GOLM2: variants seen among roughly 807,000 people sequenced by gnomAD.
The protein encoded by GOLM2 is protein GOLM2.
GOLM2 carries 26 observed loss-of-function variants against 55.9 expected under a neutral mutation model. The observed-to-expected ratio is 0.47, with a 90% confidence interval of 0.34 to 0.65. The LOEUF (loss-of-function observed/expected upper bound fraction) is 0.65. Among genes scored for constraint, GOLM2 ranks in the 30% least tolerant of loss-of-function variants. The probability of loss-of-function intolerance (pLI) is 0.01; values close to 1 mark genes in which losing one functional copy is unlikely to be tolerated. For synonymous variants in GOLM2, 165 were observed against 194.6 expected (o/e 0.85, Z 1.27); for missense variants, 486 against 531.8 (o/e 0.91, Z 0.85).
Position 44,289,230 on chromosome 15 carries a change from T to G in GOLM2, c.201T>G (p.Asn67Lys), listed in dbSNP as rs745978782. Residue 67 changes from asparagine to lysine, a missense_variant, in exon 1 of 10, where the codon AAT (asparagine) becomes AAG (lysine). Coordinates refer to ENST00000299957, the MANE Select transcript of GOLM2 (RefSeq NM_138423.4). This position sits in a 1 kb window ranked among gnomAD's most constrained non-coding sequence, Gnocchi z 4.8. ...CCCGCGGGCGGCTGGAAAAGCGCAA[T>G]TCGGACCTCTTGCTGTTGGTGGACA... is the stretch of plus-strand genomic sequence containing the variant. ...EVARGRLEKR[N>K]SDLLLLVDTH... 6.1e-5 allele frequency: 99 copies of G among 1,613,980 alleles called. No homozygotes were observed. Among genetic ancestry groups the G allele is most frequent in the Non-Finnish European group, 8.1e-5 (95 of 1,180,014 alleles).
intron 8 of GOLM2, among the ~76,000 whole-genome samples, chr15:44,384,952 G>T (rs1321869309): frequency 6.6e-6 from 1 of 151,236 alleles, no homozygotes; most frequent in Non-Finnish European, 1.5e-5. Flanking sequence ...TTTTGTGTCT[G>T]GCTTCTTTTA....
chr15:44,410,462 G>C (rs985185956), intron 9 of GOLM2, among the ~76,000 whole-genome samples: 1 of 152,146 alleles, frequency 6.6e-6, no homozygotes, highest in African/African-American at 2.4e-5. Context: ...TTTAAGTAAA[G>C]AGTTCATTGA....
At chr15:44,303,746 T>C (rs2078815819) in intron 1 of GOLM2, among the ~76,000 whole-genome samples, 2 of 150,296 alleles carry the variant, frequency 1.3e-5, no homozygotes, top group South Asian at 4.2e-4. Flanking sequence ...TTTTTTTTTT[T>C]TTTTTTTTGA....
At chr15:44,325,633 T>G (rs1427414860) in intron 2 of GOLM2, among the ~76,000 whole-genome samples, 1 of 152,242 alleles carries the variant, frequency 6.6e-6, no homozygotes, top group African/African-American at 2.4e-5. Flanking sequence ...AAGTTTTGTT[T>G]GTTTTTTAGT....
At chr15:44,354,205 A>C (rs939130534) in intron 6 of GOLM2, among the ~76,000 whole-genome samples, 2 of 151,782 alleles carry the variant, frequency 1.3e-5, no homozygotes, top group African/African-American at 4.8e-5. Flanking sequence ...TCAAGCTGTC[A>C]CAGAACACTC....
At chr15:44,297,865 G>T (rs1425030632) in intron 1 of GOLM2, among the ~76,000 whole-genome samples, 2 of 136,040 alleles carry the variant, frequency 1.5e-5, no homozygotes, top group South Asian at 4.7e-4. Flanking sequence ...ACCGCACCTG[G>T]CCTTTTTTTT....
chr15:44,305,577 C>T (rs1361144510), intron 1 of GOLM2, among the ~76,000 whole-genome samples: 1 of 152,126 alleles, frequency 6.6e-6, no homozygotes, highest in Non-Finnish European at 1.5e-5. Flanking sequence ...AGATTATAGA[C>T]GTGAGCCACT....
At chr15:44,302,663 A>AT (rs975858259) in intron 1 of GOLM2, among the ~76,000 whole-genome samples, 21 of 150,454 alleles carry the variant, frequency 1.4e-4, no homozygotes, top group Middle Eastern at 3.5e-3. Flanking sequence ...GCTAATTTTT[A>AT]TTTTTTTTGT....
chr15:44,364,247 G>A (rs1166810136), intron 6 of GOLM2, among the ~76,000 whole-genome samples: 2 of 152,052 alleles, frequency 1.3e-5, no homozygotes, highest in South Asian at 2.1e-4. Flanking sequence ...AAACAAGCTC[G>A]GTATGGTGGC....
intron 6 of GOLM2, among the ~76,000 whole-genome samples, chr15:44,364,047 G>A (rs914194137): frequency 6.6e-6 from 1 of 151,336 alleles, no homozygotes; most frequent in African/African-American, 2.4e-5. Context: ...CTGTTGTGGG[G>A]TGGGGGGAGC....
chr15:44,378,636 C>G (rs929156816), intron 6 of GOLM2, among the ~76,000 whole-genome samples: 9 of 151,880 alleles, frequency 5.9e-5, no homozygotes, highest in Non-Finnish European at 4.4e-5. Flanking sequence ...AAAATTTGAG[C>G]AACTAAAAAT....
chr15:44,343,321 A>G (rs1240170710), intron 6 of GOLM2, among the ~76,000 whole-genome samples: 1 of 152,024 alleles, frequency 6.6e-6, no homozygotes, highest in Non-Finnish European at 1.5e-5. Context: ...AGACAGAAAA[A>G]AAAAAAAAAA....
intron 4 of GOLM2, among the ~76,000 whole-genome samples, chr15:44,335,043 T>A (rs1006863837): frequency 6.6e-6 from 1 of 151,792 alleles, no homozygotes; most frequent in Non-Finnish European, 1.5e-5. Context: ...AATTAAAAAA[T>A]TAAAAAATTA....
At chr15:44,413,002 CAA>C (rs773883653) in intron 9 of GOLM2, among the ~76,000 whole-genome samples, 21 of 115,030 alleles carry the variant, frequency 1.8e-4, no homozygotes, top group African/African-American at 1.9e-4. Flanking sequence ...GAGTCGGTCT[CAA>C]AAAAAAAAAA....
chr15:44,367,579 A>C (rs926325040), intron 6 of GOLM2, among the ~76,000 whole-genome samples: 1 of 151,980 alleles, frequency 6.6e-6, no homozygotes, highest in African/African-American at 2.4e-5. Flanking sequence ...GTGGATCATG[A>C]GGTCAAGAGA....
At chr15:44,398,549 T>C (rs2079542251) in intron 8 of GOLM2, among the ~76,000 whole-genome samples, 1 of 152,190 alleles carries the variant, frequency 6.6e-6, no homozygotes, top group African/African-American at 2.4e-5. Context: ...TGTAGATACT[T>C]CCATTATACT....
chr15:44,343,642 A>ATGG lies in GOLM2; in HGVS notation c.802+5328_802+5330dup, dbSNP rs535149602. 2.9e-4 allele frequency among the ~76,000 whole-genome samples: 44 copies of ATGG among 151,818 alleles called. No individual in the cohort carries two copies. In the East Asian group the frequency reaches 8.6e-3, roughly 30 times the overall value. ...GGAGTTTGAGACCAGCCTGGCCAAC[A>ATGG]TGGTGAAACCCCGTCTGTACTAAAA... On this transcript the variant is annotated intron_variant, in intron 6 of 9. Coordinates refer to ENST00000299957, the MANE Select transcript of GOLM2 (RefSeq NM_138423.4).
At chr15:44,351,416 A>C (rs2079162074) in intron 6 of GOLM2, among the ~76,000 whole-genome samples, 1 of 151,898 alleles carries the variant, frequency 6.6e-6, no homozygotes, top group Non-Finnish European at 1.5e-5. Context: ...CTCTACTAAA[A>C]ATAACAAAAA....
intron 1 of GOLM2, among the ~76,000 whole-genome samples, chr15:44,316,836 T>C (rs1006156139): frequency 1.3e-5 from 2 of 151,354 alleles, no homozygotes; most frequent in African/African-American, 2.4e-5. Flanking sequence ...AATACAAAAA[T>C]TTAGCCAGGA....
Sources: gnomAD v4.1 joint callset for allele counts (sites outside exome capture counted in the v4.1 genomes callset) on GRCh38, gnomAD v4.1.1 for gene constraint, Gnocchi (gnomAD v3.1) non-coding constraint, MANE v1.5 for transcripts, NCBI Gene and HGNC (gene_info 2026-07-23, HGNC 2026-07-21) for gene names.